LYPLAL1: variants seen among roughly 807,000 people sequenced by gnomAD.
LYPLAL1 encodes the protein lysophospholipase-like protein 1.
A neutral mutation model predicts 19.7 loss-of-function variants in LYPLAL1; 23 were observed. The ratio of observed to expected loss-of-function variants is 1.17; its 90% CI spans 0.84 to 1.65. LYPLAL1 has a LOEUF of 1.65. Among genes scored for constraint, LYPLAL1 ranks in the 40% most tolerant of loss-of-function variants. The probability of loss-of-function intolerance (pLI) is 0.00; values close to 1 mark genes in which losing one functional copy is unlikely to be tolerated. For synonymous variants in LYPLAL1, 119 were observed against 96.3 expected, an observed-to-expected ratio of 1.24 and a Z score of -1.38; for missense variants, 355 against 279.4, an observed-to-expected ratio of 1.27 and a Z score of -1.93.
the LYPLAL1 span, among the ~76,000 whole-genome samples, chr1:219,431,953 A>G: frequency 5.4e-4 from 82 of 152,328 alleles, no homozygotes; most frequent in African/African-American, 1.9e-3. Context: ...TGAGGATTAA[A>G]TGGCATAATG....
At chr1:219,224,409 G>A in the LYPLAL1 span, among the ~76,000 whole-genome samples, 5 of 152,244 alleles carry the variant, frequency 3.3e-5, no homozygotes, top group South Asian at 1.0e-3. Flanking sequence ...AGTGTCGTGT[G>A]TTTTGGGTCA....
At chr1:219,195,003 C>T (rs749524735) in intron 3 of LYPLAL1, among the ~76,000 whole-genome samples, 3 of 151,994 alleles carry the variant, frequency 2.0e-5, no homozygotes, top group Admixed American at 6.6e-5. Context: ...GAGACTAGAA[C>T]GTGATGGCAT....
At chr1:219,199,388 A>T (rs929490570) in intron 3 of LYPLAL1, among the ~76,000 whole-genome samples, 7 of 152,126 alleles carry the variant, frequency 4.6e-5, no homozygotes, top group African/African-American at 1.7e-4. Context: ...AAAATGGGGA[A>T]AAATTGTACA....
chr1:219,410,541 C>T, the LYPLAL1 span, among the ~76,000 whole-genome samples: 1 of 152,258 alleles, frequency 6.6e-6, no homozygotes, highest in Non-Finnish European at 1.5e-5. Flanking sequence ...CCTGGGCTCC[C>T]ACTTGGTGGC....
At chr1:219,276,510 G>A in the LYPLAL1 span, among the ~76,000 whole-genome samples, 1 of 152,158 alleles carries the variant, frequency 6.6e-6, no homozygotes, top group African/African-American at 2.4e-5. Context: ...AGGGTAAATT[G>A]AGCAAAAACG....
the LYPLAL1 span, among the ~76,000 whole-genome samples, chr1:219,305,990 G>T: frequency 6.6e-6 from 1 of 152,102 alleles, no homozygotes; most frequent in Non-Finnish European, 1.5e-5. Flanking sequence ...GGTTATCTCA[G>T]GTTACATGAA....
the LYPLAL1 span, among the ~76,000 whole-genome samples, chr1:219,245,041 TTC>T: frequency 6.6e-6 from 1 of 150,988 alleles, no homozygotes; most frequent in Non-Finnish European, 1.5e-5. Flanking sequence ...TCTTTTTTCC[TTC>T]TCTTTCCTTT....
chr1:219,336,767 A>G, the LYPLAL1 span, among the ~76,000 whole-genome samples: 1 of 152,038 alleles, frequency 6.6e-6, no homozygotes, highest in Non-Finnish European at 1.5e-5. Flanking sequence ...TCAGCTTGGG[A>G]AATGGAAAGC....
chr1:219,345,536 G>C, the LYPLAL1 span, among the ~76,000 whole-genome samples: 3 of 152,144 alleles, frequency 2.0e-5, no homozygotes, highest in Admixed American at 6.5e-5. Context: ...CCAGAGAAAT[G>C]ATGTACATGT....
At chr1:219,321,906 T>C in the LYPLAL1 span, among the ~76,000 whole-genome samples, 37 of 152,288 alleles carry the variant, frequency 2.4e-4, no homozygotes, top group African/African-American at 8.7e-4. Context: ...TCTGAAAATA[T>C]TTGAAGTTTT....
Position 219,173,973 on chromosome 1 carries a change from A to G in LYPLAL1, c.83A>G (p.His28Arg), listed in dbSNP as rs757766059. ...GRHSASLIFL[H>R]GSGDSGQGLR... ...CATAGCGCCTCTCTGATCTTCCTGC[A>G]TGGCTCAGGTGGATTTCAATTTTAC... The change falls in exon 1 of 5, where the codon CAT becomes CGT. Residue 28 changes from histidine to arginine, a missense_variant. His to Arg is a conservative substitution (Grantham distance 29, BLOSUM62 0). Transcript: ENST00000366928. 8.1e-6 allele frequency: 13 copies of G among 1,613,960 alleles called. No homozygotes were observed. Among genetic ancestry groups the G allele is most frequent in the Non-Finnish European group, 2.5e-6 (3 of 1,179,976 alleles).
chr1:219,220,660 C>G, the LYPLAL1 span, among the ~76,000 whole-genome samples: 1 of 152,148 alleles, frequency 6.6e-6, no homozygotes, highest in East Asian at 1.9e-4. Context: ...TACAGCCAGA[C>G]ATGACATTTC....
chr1:219,346,369 C>T, the LYPLAL1 span, among the ~76,000 whole-genome samples: 10,376 of 151,834 alleles, frequency 0.068, 505 homozygotes, highest in South Asian at 0.14. Flanking sequence ...TTCCTTGATA[C>T]CGTCTGGGAG....
chr1:219,350,972 G>C, the LYPLAL1 span, among the ~76,000 whole-genome samples: 1 of 152,066 alleles, frequency 6.6e-6, no homozygotes, highest in Admixed American at 6.5e-5. Context: ...ATTTTCTGAA[G>C]TATTTGTTCA....
chr1:219,283,498 G>GA, the LYPLAL1 span, among the ~76,000 whole-genome samples: 1 of 152,058 alleles, frequency 6.6e-6, no homozygotes, highest in Non-Finnish European at 1.5e-5. Flanking sequence ...ATGGAAAGTG[G>GA]AAAAATCTAT....
At chr1:219,231,793 G>A in the LYPLAL1 span, among the ~76,000 whole-genome samples, 1 of 152,090 alleles carries the variant, frequency 6.6e-6, no homozygotes, top group Non-Finnish European at 1.5e-5. Flanking sequence ...TCCCTTACAT[G>A]TTGAACATCA....
downstream of LYPLAL1, among the ~76,000 whole-genome samples, chr1:219,213,669 T>C (rs989376323): frequency 2.0e-5 from 3 of 152,054 alleles, no homozygotes; most frequent in African/African-American, 7.2e-5. Flanking sequence ...TATTTTGCGA[T>C]TGATTATAAG....
At chr1:219,284,628 G>A in the LYPLAL1 span, among the ~76,000 whole-genome samples, 1 of 144,380 alleles carries the variant, frequency 6.9e-6, no homozygotes, top group Non-Finnish European at 1.6e-5. Context: ...TATATGCCAA[G>A]CACTGTTCTC....
At chr1:219,346,539 G>A in the LYPLAL1 span, among the ~76,000 whole-genome samples, 1 of 151,288 alleles carries the variant, frequency 6.6e-6, no homozygotes, top group Non-Finnish European at 1.5e-5. Context: ...GAGGGCTTTG[G>A]TACTGAGCAT....
Sources: gnomAD v4.1 joint callset for allele counts (sites outside exome capture counted in the v4.1 genomes callset) on GRCh38, gnomAD v4.1.1 for gene constraint, MANE v1.5 for transcripts, NCBI Gene and HGNC (gene_info 2026-07-23, HGNC 2026-07-21) for gene names.